Variants in ABCA12 observed in about 807,000 individuals in gnomAD.
The protein encoded by ABCA12 is ATP binding cassette subfamily A member 12.
Under a neutral mutation model 293.5 loss-of-function variants are expected in ABCA12, and 156 were observed. The ratio of observed to expected loss-of-function variants is 0.53; its 90% CI spans 0.47 to 0.61. The LOEUF (loss-of-function observed/expected upper bound fraction) is 0.61, where lower values mean the gene tolerates loss of function less well. Among genes scored for constraint, ABCA12 ranks in the 20% least tolerant of loss-of-function variants. ABCA12 has a pLI of 0.00. For missense variants in ABCA12, 2,797 were observed against 3,090.2 expected (o/e 0.91, Z 2.25); for synonymous variants, 1,063 against 1,108.0 (o/e 0.96, Z 0.81).
intron 7 of ABCA12, among the ~76,000 whole-genome samples, chr2:215,045,064 A>G (rs1246456626): frequency 6.6e-6 from 1 of 152,160 alleles, no homozygotes; most frequent in Admixed American, 6.6e-5. Context: ...TGTAAGATTC[A>G]ATGTGATCAT....
chr2:214,983,816 A>G lies in ABCA12; in HGVS notation c.4213T>C (p.Tyr1405His), dbSNP rs778751805. ...AGGTCTGTTTTGATATCTTTTCCAT[A>G]TACAAAAATGGTGCCTGCTGAGGCC... ...FGASAGTIFV[Y>H]GKDIKTDLHT... Residue 1405 changes from tyrosine to histidine, a missense_variant, in exon 29 of 53, where the codon TAT becomes CAT. Tyr to His is a moderately conservative substitution (Grantham distance 83). Around this residue, in one of 3 missense-constraint regions of ABCA12, gnomAD observed 2,130 missense variants for 2,427.0 expected, o/e 0.88. Coordinates refer to ENST00000272895, the MANE Select transcript of ABCA12 (RefSeq NM_173076.3). 4 of 1,614,100 alleles carry G rather than the reference A, an allele frequency of 2.5e-6. No homozygotes were observed. The South Asian group carries it at 4.4e-5, about 18-fold the overall frequency.
At chr2:215,075,050 T>G (rs1701808632) in intron 2 of ABCA12, among the ~76,000 whole-genome samples, 1 of 152,192 alleles carries the variant, frequency 6.6e-6, no homozygotes, top group South Asian at 2.1e-4. Flanking sequence ...AGGGCTTCAC[T>G]TTAGTGAGTC....
intron 34 of ABCA12, among the ~76,000 whole-genome samples, chr2:214,975,575 T>G (rs59546902): frequency 0.061 from 9,235 of 152,252 alleles, 590 homozygotes; most frequent in African/African-American, 0.16. Flanking sequence ...AACTTTAGTT[T>G]TAGATGAATG....
intron 2 of ABCA12, among the ~76,000 whole-genome samples, chr2:215,076,152 C>T (rs983262252): frequency 6.6e-6 from 1 of 152,174 alleles, no homozygotes; most frequent in Non-Finnish European, 1.5e-5. Context: ...CTTTTTTCCT[C>T]AACCAAAGAT....
chr2:214,981,171 T>A (rs1490154954), intron 30 of ABCA12, among the ~76,000 whole-genome samples: 11 of 151,862 alleles, frequency 7.2e-5, no homozygotes, highest in Admixed American at 7.2e-4. Flanking sequence ...TTTTTTCATA[T>A]AAATTAACAG....
chr2:215,025,475 C>T (rs1700717611), intron 11 of ABCA12, 198 bp downstream of exon 11: 2 of 522,482 alleles, frequency 3.8e-6, no homozygotes, highest in African/African-American at 1.9e-5. Context: ...ACTCTTTTGT[C>T]ACCATTTTTC....
chr2:215,099,496 C>A (rs1702310153), intron 2 of ABCA12, among the ~76,000 whole-genome samples: 1 of 152,108 alleles, frequency 6.6e-6, no homozygotes, highest in Non-Finnish European at 1.5e-5. Context: ...AGATCGAGAC[C>A]ATCCAGGCCA....
At chr2:215,001,136 G>A in intron 21 of ABCA12, 116 bp from the exon 22 acceptor site, 1 of 964,538 alleles carries the variant, frequency 1.0e-6, no homozygotes. Context: ...TAATGTGACA[G>A]TAGGTTCAGG....
rs184965326 is a variant in ABCA12, at chr2:215,014,747, C to A, written c.1956+743G>T. ...TATAACTAGTCCAAAACATTTTTAT[C>A]CCTGTGGCTATGTCTCAAAAATATG... On this transcript the variant is annotated intron_variant, in intron 15 of 52. Coordinates refer to ENST00000272895, the MANE Select transcript of ABCA12 (RefSeq NM_173076.3). Among the ~76,000 whole-genome samples, 8 of 152,264 alleles carry A rather than the reference C, an allele frequency of 5.3e-5. No individual in the cohort carries two copies. In the East Asian group the frequency reaches 1.5e-3, roughly 29 times the overall value.
At chr2:215,010,267 G>A in intron 18 of ABCA12, 64 bp downstream of exon 18, 2 of 1,574,038 alleles carry the variant, frequency 1.3e-6, no homozygotes, top group African/African-American at 1.3e-5. Flanking sequence ...AGTAAATTTG[G>A]AAGTTGACTA....
At chr2:215,003,042 C>A (rs1198227235) in intron 20 of ABCA12, among the ~76,000 whole-genome samples, 1 of 152,158 alleles carries the variant, frequency 6.6e-6, no homozygotes, top group Non-Finnish European at 1.5e-5. Context: ...TTTATTTAAT[C>A]AAGCTGGGTT....
At chr2:215,134,050 C>T (rs2105920511) in intron 1 of ABCA12, among the ~76,000 whole-genome samples, 1 of 151,582 alleles carries the variant, frequency 6.6e-6, no homozygotes, top group East Asian at 1.9e-4. Flanking sequence ...TGATATCTTA[C>T]TTTACAAAAA....
At chr2:215,037,149 T>C in intron 7 of ABCA12, 84 bp from the exon 8 acceptor site, 1 of 1,012,534 alleles carries the variant, frequency 9.9e-7, no homozygotes, top group South Asian at 1.3e-5. Context: ...AGAAAATGGC[T>C]ACAGTATAAA....
chr2:214,981,942 T>TTTATTATTATTATTATTA (rs200886578), intron 30 of ABCA12, among the ~76,000 whole-genome samples: 8 of 128,642 alleles, frequency 6.2e-5, no homozygotes, highest in Non-Finnish European at 6.4e-5. Context: ...GTCAGCTGTT[T>TTTATTATTATTATTATTA]TTATTATTAT....
At chr2:214,944,873 G>T in intron 49 of ABCA12, 128 bp downstream of exon 49, 1 of 622,732 alleles carries the variant, frequency 1.6e-6, no homozygotes, top group South Asian at 1.9e-5. Flanking sequence ...TTGTATGTGT[G>T]TATATATATA....
chr2:215,004,645 GA>G (rs1392061260), intron 19 of ABCA12: 1 of 188,636 alleles, frequency 5.3e-6, no homozygotes, highest in African/African-American at 2.4e-5. Flanking sequence ...ACAATGTTGT[GA>G]TTCATGGTTG....
At chr2:215,065,257 T>G (rs1483950539) in intron 2 of ABCA12, among the ~76,000 whole-genome samples, 13 of 61,596 alleles carry the variant, frequency 2.1e-4, no homozygotes, top group East Asian at 1.5e-3. Context: ...TTAGGAAAAT[T>G]AAGGCTAAAA....
At chr2:215,107,338 G>GT (rs746848708) in intron 2 of ABCA12, among the ~76,000 whole-genome samples, 1 of 152,194 alleles carries the variant, frequency 6.6e-6, no homozygotes, top group Non-Finnish European at 1.5e-5. Flanking sequence ...CCTAAGCAGT[G>GT]TTTTTTGGCT....
intron 2 of ABCA12, among the ~76,000 whole-genome samples, chr2:215,111,342 G>A (rs1702566416): frequency 6.6e-6 from 1 of 152,152 alleles, no homozygotes; most frequent in African/African-American, 2.4e-5. Flanking sequence ...TAATAAATGA[G>A]TCAAAATTTT....
Sources: allele counts gnomAD v4.1 joint callset (sites outside exome capture counted in the v4.1 genomes callset), GRCh38; gene constraint gnomAD v4.1.1; regional missense constraint gnomAD v4.1.1; transcripts MANE v1.5; gene names NCBI Gene and HGNC (gene_info 2026-07-23, HGNC 2026-07-21).